ZC3H12B: variants seen among roughly 807,000 people sequenced by gnomAD.
The protein encoded by ZC3H12B is zinc finger CCCH-type containing 12B, also known as probable ribonuclease ZC3H12B.
ZC3H12B carries 7 observed loss-of-function variants against 43.9 expected under a neutral mutation model. The ratio of observed to expected loss-of-function variants is 0.16; its 90% CI spans 0.09 to 0.30. The LOEUF (loss-of-function observed/expected upper bound fraction) is 0.30, where lower values mean the gene tolerates loss of function less well. ZC3H12B is among the 10% of genes least tolerant of loss of function. The pLI is 1.00. For synonymous variants in ZC3H12B, 222 were observed against 241.7 expected (o/e 0.92, Z 0.76); for missense variants, 475 against 670.2 (o/e 0.71, Z 3.22).
the ZC3H12B span, among the ~76,000 whole-genome samples, chrX:65,154,924 C>A: frequency 4.5e-5 from 5 of 110,032 alleles, no homozygotes; most frequent in African/African-American, 1.7e-4. Context: ...TGGTTATTAT[C>A]TATTAGCTCA....
chrX:65,488,569 A>C, upstream of ZC3H12B: 1 of 274,662 alleles, frequency 3.6e-6, no homozygotes, highest in Non-Finnish European at 6.2e-6. Flanking sequence ...GTAGTTTCTT[A>C]AGAAGAAACC....
At chrX:65,173,661 G>T in the ZC3H12B span, among the ~76,000 whole-genome samples, 1 of 111,670 alleles carries the variant, frequency 9.0e-6, no homozygotes, top group African/African-American at 3.3e-5. Flanking sequence ...AAGGCCTTTT[G>T]TGCATCTATT....
the ZC3H12B span, among the ~76,000 whole-genome samples, chrX:65,219,238 A>C: frequency 8.9e-6 from 1 of 111,833 alleles, no homozygotes; most frequent in Non-Finnish European, 1.9e-5. Flanking sequence ...CCAGAAAAAC[A>C]GTTCTGGTAA....
At chrX:65,064,708 TG>T in the ZC3H12B span, among the ~76,000 whole-genome samples, 2 of 111,951 alleles carry the variant, frequency 1.8e-5, no homozygotes, top group African/African-American at 6.5e-5. Flanking sequence ...GTTAATTTTG[TG>T]TCTCGCTGAT....
chrX:65,157,088 C>A, the ZC3H12B span, among the ~76,000 whole-genome samples: 1 of 111,077 alleles, frequency 9.0e-6, no homozygotes, highest in African/African-American at 3.3e-5. Flanking sequence ...CTTAGGCAAT[C>A]CTCCTACCTC....
At chrX:65,261,713 G>T in the ZC3H12B span, among the ~76,000 whole-genome samples, 3 of 110,682 alleles carry the variant, frequency 2.7e-5, no homozygotes, top group Non-Finnish European at 5.7e-5. Context: ...ATTTAAGAAA[G>T]GTATTTTAAG....
At chrX:65,340,785 CAAA>C in the ZC3H12B span, among the ~76,000 whole-genome samples, 1 of 112,464 alleles carries the variant, frequency 8.9e-6, no homozygotes, top group Non-Finnish European at 1.9e-5. Context: ...TGTGACAACT[CAAA>C]AAGCCAGAGT....
At chrX:65,100,393 A>G in the ZC3H12B span, among the ~76,000 whole-genome samples, 1 of 107,666 alleles carries the variant, frequency 9.3e-6, no homozygotes, top group Non-Finnish European at 1.9e-5. Flanking sequence ...AGACACCACT[A>G]AGATACTCCT....
the ZC3H12B span, among the ~76,000 whole-genome samples, chrX:65,238,973 T>C: frequency 1.8e-5 from 2 of 112,008 alleles, no homozygotes; most frequent in African/African-American, 3.2e-5. Context: ...CAGGGGTTTT[T>C]TTATTTGCTG....
intron 2 of ZC3H12B, among the ~76,000 whole-genome samples, chrX:65,375,453 C>T (rs768544745): frequency 9.8e-5 from 11 of 112,320 alleles, no homozygotes; most frequent in African/African-American, 3.2e-4. Flanking sequence ...TGCTGAGACA[C>T]CAGCCATAGT....
At chrX:65,207,267 C>A in the ZC3H12B span, among the ~76,000 whole-genome samples, 1 of 108,143 alleles carries the variant, frequency 9.2e-6, no homozygotes, top group Non-Finnish European at 1.9e-5. Flanking sequence ...CACACACACA[C>A]ACACACATAC....
chrX:65,196,130 C>A, the ZC3H12B span, among the ~76,000 whole-genome samples: 1 of 105,704 alleles, frequency 9.5e-6, no homozygotes, highest in Admixed American at 1.0e-4. Flanking sequence ...TTCCCCCCAC[C>A]CCCCGCAGCT....
the ZC3H12B span, among the ~76,000 whole-genome samples, chrX:65,130,351 G>A: frequency 9.0e-6 from 1 of 111,368 alleles, no homozygotes; most frequent in Non-Finnish European, 1.9e-5. Context: ...TCTGACAGAA[G>A]GGAAGAAATG....
the ZC3H12B span, among the ~76,000 whole-genome samples, chrX:65,202,050 ATATAT>A: frequency 3.8e-4 from 33 of 86,582 alleles, no homozygotes; most frequent in Non-Finnish European, 4.2e-4. Flanking sequence ...ATAATATAAT[ATATAT>A]TATATGTAAT....
chrX:65,221,844 A>G, the ZC3H12B span, among the ~76,000 whole-genome samples: 4 of 111,451 alleles, frequency 3.6e-5, no homozygotes, highest in Admixed American at 2.9e-4. Flanking sequence ...AAATCATTCT[A>G]TGAAACCAGT....
At chrX:65,486,228 A>C (rs1339229214), upstream of ZC3H12B, among the ~76,000 whole-genome samples, 1 of 112,192 alleles carries the variant, frequency 8.9e-6, no homozygotes, top group African/African-American at 3.2e-5. Flanking sequence ...TTGCATAACT[A>C]TTAGTAAACA....
the ZC3H12B span, among the ~76,000 whole-genome samples, chrX:65,348,802 T>A: frequency 1.8e-5 from 2 of 110,493 alleles, no homozygotes; most frequent in African/African-American, 6.6e-5. Context: ...AAGGGATCAA[T>A]GCAGCGAGAA....
chrX:65,250,236 T>C, the ZC3H12B span, among the ~76,000 whole-genome samples: 1 of 111,457 alleles, frequency 9.0e-6, no homozygotes, highest in African/African-American at 3.3e-5. Flanking sequence ...GGTTTCCAGC[T>C]TCATCCATGT....
intron 3 of ZC3H12B, among the ~76,000 whole-genome samples, chrX:65,482,824 C>G (rs1422542964): frequency 8.9e-6 from 1 of 111,772 alleles, no homozygotes; most frequent in Non-Finnish European, 1.9e-5. Context: ...CTGTTCAAAA[C>G]CTGGGAATAA....
Sources: allele counts gnomAD v4.1 joint callset (sites outside exome capture counted in the v4.1 genomes callset), GRCh38; gene constraint gnomAD v4.1.1; transcripts MANE v1.5; gene names NCBI Gene and HGNC (gene_info 2026-07-23, HGNC 2026-07-21).